The following HIVEP1 variants were observed in gnomAD, a reference collection of about 807,000 sequenced individuals.
HIVEP1 encodes the protein zinc finger protein 40.
Under a neutral mutation model 180.0 loss-of-function variants are expected in HIVEP1, and 36 were observed. The ratio of observed to expected loss-of-function variants is 0.20; its 90% CI spans 0.15 to 0.26. The LOEUF is 0.26. HIVEP1 is among the 10% of genes least tolerant of loss of function. HIVEP1 has a pLI of 1.00. For missense variants in HIVEP1, 3,143 were observed against 3,268.7 expected (o/e 0.96, Z 0.94); for synonymous variants, 1,239 against 1,239.0 (o/e 1.00, Z 0.00).
intron 2 of HIVEP1, among the ~76,000 whole-genome samples, chr6:12,079,060 T>TA (rs1428512405): frequency 2.6e-5 from 4 of 152,156 alleles, no homozygotes; most frequent in African/African-American, 4.8e-5. Flanking sequence ...CCACCATGGT[T>TA]ACGATGACTA....
rs779992999 is a variant in HIVEP1 at position 12,164,329 on chromosome 6, C to T, written c.8025C>T (p.Pro2675=). 6.2e-7 allele frequency: 1 copy of T among 1,614,038 alleles called. No individual in the cohort carries two copies. The highest frequency in any genetic ancestry group is 8.5e-7 in the Non-Finnish European group (1 of 1,180,024). The change falls in exon 9 of 9, where the codon CCC becomes CCT. Residue 2675 remains proline, a synonymous_variant. Coordinates refer to ENST00000379388, the MANE Select transcript of HIVEP1 (RefSeq NM_002114.4). ...CACATTCTGAAGTTTTTACAAAGCC[C>T]TCAGGCCAGCAGACTCTCTCTCCAG... The part of the protein sequence containing the change: ...LKAHSEVFTK[P]SGQQTLSPDR...
At chr6:12,211,641 C>A in the HIVEP1 span, among the ~76,000 whole-genome samples, 1,590 of 151,788 alleles carry the variant, frequency 0.01, 37 homozygotes, top group African/African-American at 0.037. Context: ...GATGCATTTT[C>A]ACCATAAAGA....
the HIVEP1 span, among the ~76,000 whole-genome samples, chr6:12,203,233 T>A: frequency 6.6e-6 from 1 of 152,178 alleles, no homozygotes; most frequent in Non-Finnish European, 1.5e-5. Flanking sequence ...TAGCTTCGCT[T>A]TACACTCCCT....
the HIVEP1 span, among the ~76,000 whole-genome samples, chr6:12,181,693 G>A: frequency 3.3e-4 from 50 of 152,296 alleles, no homozygotes; most frequent in Admixed American, 2.9e-3. Flanking sequence ...CCCAAATGCT[G>A]AAACATTGAC....
intron 3 of HIVEP1, among the ~76,000 whole-genome samples, chr6:12,091,320 C>T (rs1256971539): frequency 6.6e-6 from 1 of 151,984 alleles, no homozygotes; most frequent in Non-Finnish European, 1.5e-5. Context: ...GGTTTTTTCA[C>T]CCTGTAAGTT....
chr6:12,139,304 G>C (rs1490123017), intron 7 of HIVEP1, among the ~76,000 whole-genome samples: 1 of 152,062 alleles, frequency 6.6e-6, no homozygotes, highest in Non-Finnish European at 1.5e-5. Flanking sequence ...CCCGCAGCAG[G>C]CCCCTGTCTC....
At chr6:12,044,349 AAAC>A (rs1482684901) in intron 2 of HIVEP1, among the ~76,000 whole-genome samples, 6 of 152,228 alleles carry the variant, frequency 3.9e-5, no homozygotes, top group Non-Finnish European at 8.8e-5. Flanking sequence ...TCTAATTTCT[AAAC>A]AATAATATTT....
intron 2 of HIVEP1, chr6:12,037,799 C>T (rs1581546372): frequency 4.5e-6 from 2 of 446,290 alleles, no homozygotes; most frequent in East Asian, 7.0e-5. Context: ...CTTCTGGGGA[C>T]AAGCTAAGGC....
At chr6:12,067,575 C>T (rs1387390946) in intron 2 of HIVEP1, among the ~76,000 whole-genome samples, 1 of 152,066 alleles carries the variant, frequency 6.6e-6, no homozygotes, top group South Asian at 2.1e-4. Context: ...GCGCCAATGG[C>T]GTAGAATGGT....
chr6:12,095,714 A>G (rs1773746284), intron 3 of HIVEP1, among the ~76,000 whole-genome samples: 1 of 151,964 alleles, frequency 6.6e-6, no homozygotes, highest in African/African-American at 2.4e-5. Flanking sequence ...TAAATTAATC[A>G]TTTTGCCATG....
At chr6:12,072,726 G>A (rs1355701790) in intron 2 of HIVEP1, among the ~76,000 whole-genome samples, 1 of 152,140 alleles carries the variant, frequency 6.6e-6, no homozygotes, top group East Asian at 1.9e-4. Context: ...CCTAACGGCA[G>A]TGCCCTGTCT....
upstream of HIVEP1, among the ~76,000 whole-genome samples, chr6:12,009,220 CG>C (rs1344995844): frequency 6.7e-6 from 1 of 148,696 alleles, no homozygotes; most frequent in African/African-American, 2.4e-5. Flanking sequence ...CGGGCCCGGC[CG>C]GGCGGCCGCG....
At chr6:12,038,112 T>G (rs1040698949) in intron 2 of HIVEP1, 5 of 206,896 alleles carry the variant, frequency 2.4e-5, no homozygotes, top group African/African-American at 1.1e-4. Context: ...AAATTCAGTA[T>G]GTTTTAGTGT....
At chr6:12,071,380 TACTA>T (rs1561911221) in intron 2 of HIVEP1, among the ~76,000 whole-genome samples, 1 of 152,194 alleles carries the variant, frequency 6.6e-6, no homozygotes, top group African/African-American at 2.4e-5. Flanking sequence ...TCTCCTGATA[TACTA>T]ACTCTTCACC....
chr6:12,170,537 A>G, the HIVEP1 span, among the ~76,000 whole-genome samples: 11 of 152,224 alleles, frequency 7.2e-5, no homozygotes, highest in African/African-American at 2.7e-4. Context: ...CTTGCCATGC[A>G]GATGCTGGGA....
Position 12,015,608 on chromosome 6 carries a change from G to GA in HIVEP1, c.-19dup. Reference sequence around the variant, plus strand: ...TATCTGCAGTTTTTAAGAAGAAAAAGAAGGCCCTGAGTCAAAGAAGATGCC... The same window carrying GA: ...TATCTGCAGTTTTTAAGAAGAAAAAGAAAGGCCCTGAGTCAAAGAAGATGCC... On this transcript the variant is annotated 5_prime_UTR_variant, in exon 2 of 9. It removes the in-frame stop codon of an upstream open reading frame in the 5' UTR. Coordinates refer to ENST00000379388, the MANE Select transcript of HIVEP1 (RefSeq NM_002114.4). The GA allele has an allele frequency of 6.2e-7, 1 of 1,610,300 alleles. No individual in the cohort carries two copies. The highest frequency in any genetic ancestry group is 8.5e-7 in the Non-Finnish European group (1 of 1,177,982).
downstream of HIVEP1, among the ~76,000 whole-genome samples, chr6:12,167,712 C>CGTGT (rs1403132415): frequency 3.5e-5 from 2 of 56,668 alleles, no homozygotes; most frequent in Non-Finnish European, 3.7e-5. Flanking sequence ...TACATATATG[C>CGTGT]ATAATATATA....
intron 2 of HIVEP1, among the ~76,000 whole-genome samples, chr6:12,018,115 C>A (rs1767946516): frequency 6.6e-6 from 1 of 152,250 alleles, no homozygotes; most frequent in South Asian, 2.1e-4. Flanking sequence ...CACCAGTGGG[C>A]CGGCACTGCT....
chr6:12,021,514 G>C (rs978947383), intron 2 of HIVEP1, among the ~76,000 whole-genome samples: 1 of 151,906 alleles, frequency 6.6e-6, no homozygotes, highest in Non-Finnish European at 1.5e-5. Context: ...ACATGCCCTG[G>C]GTCTCCTTTG....
Sources: allele counts gnomAD v4.1 joint callset (sites outside exome capture counted in the v4.1 genomes callset), GRCh38; gene constraint gnomAD v4.1.1; transcripts MANE v1.5; gene names NCBI Gene and HGNC (gene_info 2026-07-23, HGNC 2026-07-21).